The following NCK1 variants were observed in gnomAD, a reference collection of about 807,000 sequenced individuals.
NCK1 encodes NCK adaptor protein 1, also known as SH2/SH3 adapter protein NCK1.
A neutral mutation model predicts 36.6 loss-of-function variants in NCK1; 19 were observed. That is an observed-to-expected ratio of 0.52 (90% CI 0.36 to 0.76). The LOEUF (loss-of-function observed/expected upper bound fraction) is 0.76. NCK1 is among the 30% of genes least tolerant of loss of function. The pLI is 0.00. For synonymous variants in NCK1, 165 were observed against 156.0 expected, an observed-to-expected ratio of 1.06 and a Z score of -0.43; for missense variants, 358 against 445.6, an observed-to-expected ratio of 0.80 and a Z score of 1.77.
intron 1 of NCK1, among the ~76,000 whole-genome samples, chr3:136,897,722 AAATT>A (rs1350706147): frequency 6.6e-6 from 1 of 152,162 alleles, no homozygotes; most frequent in African/African-American, 2.4e-5. Context: ...TCACAGTTCT[AAATT>A]AATTATTTTC....
rs1302452675 is a variant in NCK1, at chr3:136,949,667, A to G, written c.*1214A>G. On this transcript the variant is annotated 3_prime_UTR_variant, in exon 4 of 4. Coordinates refer to ENST00000481752, the MANE Select transcript of NCK1 (RefSeq NM_001291999.2). Reference sequence around the variant, plus strand: ...AAATTTAAGTAAAGTAGCCATCAGTATTTTAATTGAAAAATACTAAAGCCA... The same window carrying G: ...AAATTTAAGTAAAGTAGCCATCAGTGTTTTAATTGAAAAATACTAAAGCCA... The G allele has an allele frequency of 6.6e-6, 1 of 152,024 alleles. No individual in the cohort carries two copies. The highest frequency in any genetic ancestry group is 1.5e-5 in the Non-Finnish European group (1 of 67,912). 9.4% of individuals were successfully genotyped at this position (152,024 alleles called of 1,614,324 possible). A position where few individuals can be genotyped will look rare whatever the true frequency, so the allele number is the denominator to read the frequency against.
chr3:136,888,349 G>T (rs1255862754), intron 1 of NCK1, among the ~76,000 whole-genome samples: 1 of 152,092 alleles, frequency 6.6e-6, no homozygotes, highest in African/African-American at 2.4e-5. Flanking sequence ...CTCATTAAAA[G>T]TATACAATTC....
chr3:136,872,432 T>A (rs934523969), intron 1 of NCK1, among the ~76,000 whole-genome samples: 4 of 152,202 alleles, frequency 2.6e-5, no homozygotes, highest in Non-Finnish European at 5.9e-5. Flanking sequence ...GTGACTTGGG[T>A]GCTGTTAAAG....
chr3:136,934,721 A>G (rs749307037), intron 2 of NCK1, among the ~76,000 whole-genome samples: 9 of 152,218 alleles, frequency 5.9e-5, no homozygotes, highest in Non-Finnish European at 1.2e-4. Flanking sequence ...AGAAATAAAA[A>G]AGATTAAATA....
At chr3:136,914,209 G>A (rs1939900705) in intron 1 of NCK1, among the ~76,000 whole-genome samples, 1 of 152,224 alleles carries the variant, frequency 6.6e-6, no homozygotes, top group Non-Finnish European at 1.5e-5. Flanking sequence ...AGCTGTCAGA[G>A]CATAGATACC....
intron 1 of NCK1, among the ~76,000 whole-genome samples, chr3:136,894,332 G>T (rs1939336463): frequency 6.6e-6 from 1 of 152,088 alleles, no homozygotes; most frequent in Non-Finnish European, 1.5e-5. Context: ...TCTACCCCTT[G>T]GTTTCTAAAC....
At chr3:136,877,312 TAAGC>T (rs1312729803) in intron 1 of NCK1, among the ~76,000 whole-genome samples, 1 of 152,204 alleles carries the variant, frequency 6.6e-6, no homozygotes, top group African/African-American at 2.4e-5. Context: ...GTGTTGGAAT[TAAGC>T]AAGAAATGGA....
intron 2 of NCK1, among the ~76,000 whole-genome samples, chr3:136,937,923 C>T (rs1447762881): frequency 7.3e-6 from 1 of 137,176 alleles, no homozygotes; most frequent in African/African-American, 2.7e-5. Context: ...ACTAGCACTT[C>T]CAATACAATG....
intron 1 of NCK1, among the ~76,000 whole-genome samples, chr3:136,864,434 T>G (rs1938350816): frequency 6.6e-6 from 1 of 151,630 alleles, no homozygotes. Context: ...GAGGTTGCAG[T>G]GAGCCAAGAT....
intron 1 of NCK1, among the ~76,000 whole-genome samples, chr3:136,919,006 G>A (rs866253118): frequency 2.6e-5 from 4 of 152,104 alleles, no homozygotes; most frequent in South Asian, 2.1e-4. Flanking sequence ...TGGTTCGTCC[G>A]TACAATGGAC....
At chr3:136,930,673 A>G (rs1940367819) in intron 2 of NCK1, 6 of 1,217,098 alleles carry the variant, frequency 4.9e-6, no homozygotes, top group Non-Finnish European at 6.4e-6. Context: ...ATTTAAAGGA[A>G]AACTCTTATT....
intron 1 of NCK1, among the ~76,000 whole-genome samples, chr3:136,905,659 C>G (rs1409031788): frequency 3.3e-5 from 5 of 152,100 alleles, no homozygotes; most frequent in Non-Finnish European, 7.4e-5. Context: ...GGGTCTCACT[C>G]TGTTGCCCAG....
intron 2 of NCK1, chr3:136,928,712 TTC>T (rs548851491): frequency 6.5e-6 from 1 of 153,666 alleles, no homozygotes; most frequent in South Asian, 2.0e-4. Context: ...TCTATTTTGT[TTC>T]TCTTTTTCCC....
intron 1 of NCK1, among the ~76,000 whole-genome samples, chr3:136,920,256 TA>T (rs1284066371): frequency 2.6e-5 from 4 of 151,560 alleles, no homozygotes; most frequent in African/African-American, 4.8e-5. Context: ...TCTTTTTTTT[TA>T]AAAAATAGTG....
chr3:136,910,143 C>A (rs996472812), intron 1 of NCK1, among the ~76,000 whole-genome samples: 1 of 152,132 alleles, frequency 6.6e-6, no homozygotes, highest in African/African-American at 2.4e-5. Context: ...TCTTGTCACT[C>A]ATTTGCTGCA....
At chr3:136,866,745 C>G (rs1938425605) in intron 1 of NCK1, among the ~76,000 whole-genome samples, 2 of 151,944 alleles carry the variant, frequency 1.3e-5, no homozygotes, top group African/African-American at 4.8e-5. Context: ...TTCCGAGTAG[C>G]TAGGATTACA....
chr3:136,936,653 C>T (rs559740500), intron 2 of NCK1, among the ~76,000 whole-genome samples: 43 of 152,220 alleles, frequency 2.8e-4, no homozygotes, highest in Admixed American at 2.2e-3. Flanking sequence ...TATTTTCTTT[C>T]TTTCTTTGCT....
chr3:136,941,652 T>C (rs530257544), intron 2 of NCK1, among the ~76,000 whole-genome samples: 1 of 152,242 alleles, frequency 6.6e-6, no homozygotes, highest in South Asian at 2.1e-4. Flanking sequence ...TAACCTAGAA[T>C]TGAAATTTTT....
intron 1 of NCK1, chr3:136,867,471 C>T (rs1213085496): frequency 8.7e-6 from 1 of 115,426 alleles, no homozygotes; most frequent in Non-Finnish European, 1.6e-5. Context: ...GTTTTGAATT[C>T]CTGGCCTCAA....
Sources: gnomAD v4.1 joint callset for allele counts (sites outside exome capture counted in the v4.1 genomes callset) on GRCh38, gnomAD v4.1.1 for gene constraint, MANE v1.5 for transcripts, NCBI Gene and HGNC (gene_info 2026-07-23, HGNC 2026-07-21) for gene names.